CHL1: variants seen among roughly 807,000 people sequenced by gnomAD.
CHL1 encodes cell adhesion molecule L1 like, also known as neural cell adhesion molecule L1-like protein.
CHL1 carries 96 observed loss-of-function variants against 141.9 expected under a neutral mutation model. The observed-to-expected ratio is 0.68, with a 90% CI of 0.57 to 0.80. The LOEUF (loss-of-function observed/expected upper bound fraction) is 0.80. Ranked by LOEUF, CHL1 falls within the 30% of genes least tolerant of loss-of-function variation. The probability of loss-of-function intolerance (pLI) is 0.00; values close to 1 mark genes in which losing one functional copy is unlikely to be tolerated. For synonymous variants in CHL1, 613 were observed against 502.2 expected, an observed-to-expected ratio of 1.22 and a Z score of -2.95; for missense variants, 1,820 against 1,457.2, an observed-to-expected ratio of 1.25 and a Z score of -4.05.
At chr3:378,023 T>A in intron 16 of CHL1, 81 bp downstream of exon 16, 1 of 1,278,340 alleles carries the variant, frequency 7.8e-7, no homozygotes, top group East Asian at 2.6e-5. Context: ...ATAAAGCTAA[T>A]GATTCTTTGA....
chr3:230,112 A>G (rs1172433388), intron 1 of CHL1, among the ~76,000 whole-genome samples: 1 of 152,080 alleles, frequency 6.6e-6, no homozygotes, highest in Non-Finnish European at 1.5e-5. Context: ...TCTTTAAAAC[A>G]CTCTGTTACC....
chr3:372,191 G>A lies in CHL1; in HGVS notation c.1752-5627G>A, dbSNP rs146842841. Among the ~76,000 whole-genome samples the A allele has an allele frequency of 2.4e-4, 36 of 152,228 alleles. 1 individual carries two copies. In the East Asian group the frequency reaches 3.7e-3, roughly 16 times the overall value. On this transcript the variant is annotated intron_variant, in intron 15 of 27. Coordinates refer to ENST00000256509, the MANE Select transcript of CHL1 (RefSeq NM_006614.4). Reference sequence around the variant, plus strand: ...TGGGAAGTTCTCCTGGATAATATCCGGAAGTGTGTTTTTCAGCTTGTTTCC... The same window carrying A: ...TGGGAAGTTCTCCTGGATAATATCCAGAAGTGTGTTTTTCAGCTTGTTTCC...
chr3:253,720 A>G (rs1256383633), intron 2 of CHL1, among the ~76,000 whole-genome samples: 3 of 152,122 alleles, frequency 2.0e-5, no homozygotes, highest in Non-Finnish European at 4.4e-5. Context: ...GCTCTATTTG[A>G]ACAAAAACTT....
At chr3:224,582 A>G (rs547305967) in intron 1 of CHL1, among the ~76,000 whole-genome samples, 189 of 152,108 alleles carry the variant, frequency 1.2e-3, no homozygotes, top group African/African-American at 4.2e-3. Flanking sequence ...GCCTGCTCCA[A>G]CTTTGCCTTC....
intron 24 of CHL1, 40 bp from the exon 25 acceptor site, chr3:398,187 T>C: frequency 1.5e-6 from 2 of 1,362,818 alleles, no homozygotes; most frequent in East Asian, 2.5e-5. Flanking sequence ...TGTTTTTCCA[T>C]GATTACAATT....
chr3:280,803 G>A (rs116270375), intron 2 of CHL1, among the ~76,000 whole-genome samples: 1 of 151,994 alleles, frequency 6.6e-6, no homozygotes, highest in African/African-American at 2.4e-5. Flanking sequence ...TCTTTAATGA[G>A]TAATAGAGTG....
chr3:391,579 G>C, intron 22 of CHL1, 96 bp from the exon 23 acceptor site: 1 of 799,800 alleles, frequency 1.3e-6, no homozygotes, highest in Admixed American at 2.7e-5. Flanking sequence ...CTTCAGATGA[G>C]TTTGCTTGTC....
At chr3:321,543 A>T (rs1442177735) in intron 3 of CHL1, among the ~76,000 whole-genome samples, 1 of 152,098 alleles carries the variant, frequency 6.6e-6, no homozygotes, top group Non-Finnish European at 1.5e-5. Context: ...AGCAACGAAG[A>T]TGCCACTGAG....
chr3:373,278 A>T (rs892343482), intron 15 of CHL1, among the ~76,000 whole-genome samples: 2 of 152,194 alleles, frequency 1.3e-5, no homozygotes, highest in African/African-American at 4.8e-5. Context: ...GGAGATCTGG[A>T]TTCTGTCCCT....
chr3:348,074 G>C (rs1370612612), intron 9 of CHL1, among the ~76,000 whole-genome samples: 1 of 152,094 alleles, frequency 6.6e-6, no homozygotes, highest in Non-Finnish European at 1.5e-5. Context: ...TTATTACATA[G>C]TAACTAATGG....
intron 2 of CHL1, among the ~76,000 whole-genome samples, chr3:310,767 C>A (rs927247332): frequency 6.6e-6 from 1 of 152,096 alleles, no homozygotes; most frequent in Non-Finnish European, 1.5e-5. Flanking sequence ...AGTTTACATT[C>A]GGGTTTCTTT....
rs770665536 is a variant in CHL1, at chr3:382,280, G to A, written c.1978G>A (p.Glu660Lys). The A allele has an allele frequency of 1.3e-5, 21 of 1,612,054 alleles. No individual in the cohort carries two copies. The highest frequency in any genetic ancestry group is 5.5e-5 in the South Asian group (5 of 90,990). ...AGCTGACCACAACAGCAATATTAGC[G>A]GTAGGAAGACTTGGGATAACTGTTT... ...AGADHNSNIS[E>K]YIVEFEGNKE... Residue 660 changes from glutamate (E) to lysine (K), a missense_variant and splice_region_variant, in exon 17 of 28, where the codon GAG (glutamate) becomes AAG (lysine). Glu to Lys is a moderately conservative substitution (Grantham distance 56). Transcript: ENST00000256509.
chr3:314,624 A>G (rs1039783946), intron 2 of CHL1, among the ~76,000 whole-genome samples: 4 of 151,782 alleles, frequency 2.6e-5, no homozygotes, highest in South Asian at 2.1e-4. Flanking sequence ...GATGGCTGCC[A>G]TTTTACGTTT....
At chr3:344,464 A>G in intron 8 of CHL1, 125 bp from the exon 9 acceptor site, 2 of 345,606 alleles carry the variant, frequency 5.8e-6, no homozygotes, top group Non-Finnish European at 9.7e-6. Flanking sequence ...AAATGTGTAT[A>G]GAACACACAC....
chr3:214,874 T>G (rs1575613523), intron 1 of CHL1, among the ~76,000 whole-genome samples: 1 of 152,192 alleles, frequency 6.6e-6, no homozygotes, highest in South Asian at 2.1e-4. Context: ...AGATTAATTA[T>G]GTATGCCTAA....
chr3:209,942 C>A (rs75052201), intron 1 of CHL1, among the ~76,000 whole-genome samples: 2,408 of 152,276 alleles, frequency 0.016, 65 homozygotes, highest in African/African-American at 0.055. Context: ...TTGGTAAATA[C>A]CATCACCATT....
chr3:245,259 G>T (rs1693054335), intron 2 of CHL1, among the ~76,000 whole-genome samples: 1 of 152,046 alleles, frequency 6.6e-6, no homozygotes, highest in South Asian at 2.1e-4. Flanking sequence ...CAAAGAGTTT[G>T]GAACAATAAG....
chr3:382,481 T>G lies in CHL1; in HGVS notation c.1986T>G (p.Ile662Met). The G allele has an allele frequency of 6.2e-7, 1 of 1,613,320 alleles. No individual in the cohort carries two copies. Among genetic ancestry groups the G allele is most frequent in the Non-Finnish European group, 8.5e-7 (1 of 1,179,268 alleles). ...ADHNSNISEY[I>M]VEFEGNKEEP... Reference sequence around the variant, plus strand: ...CCCTGTTTATACTACCAGAGTATATTGTTGAATTTGAAGGAAACAAAGAAG... The same window carrying G: ...CCCTGTTTATACTACCAGAGTATATGGTTGAATTTGAAGGAAACAAAGAAG... The change falls in exon 18 of 28, where the codon ATT becomes ATG. Residue 662 changes from isoleucine to methionine, a missense_variant. Ile to Met is a conservative substitution (Grantham distance 10). Coordinates refer to ENST00000256509, the MANE Select transcript of CHL1 (RefSeq NM_006614.4).
intron 2 of CHL1, among the ~76,000 whole-genome samples, chr3:257,846 T>C (rs1694320993): frequency 6.6e-6 from 1 of 152,168 alleles, no homozygotes; most frequent in Admixed American, 6.5e-5. Context: ...TAAGTGCAAG[T>C]AGCGTACAGA....
Sources: gnomAD v4.1 joint callset for allele counts (sites outside exome capture counted in the v4.1 genomes callset) on GRCh38, gnomAD v4.1.1 for gene constraint, MANE v1.5 for transcripts, NCBI Gene and HGNC (gene_info 2026-07-23, HGNC 2026-07-21) for gene names.